PNPLA2: variants seen among roughly 807,000 people sequenced by gnomAD.
The protein encoded by PNPLA2 is patatin-like phospholipase domain-containing protein 2.
In PNPLA2, 28 loss-of-function variants were observed where a neutral mutation model predicts 39.7. That is an observed-to-expected ratio of 0.70 (90% CI 0.52 to 0.97). PNPLA2 has a LOEUF of 0.97. Ranked by LOEUF, PNPLA2 falls within the 50% of genes least tolerant of loss-of-function variation. PNPLA2 has a pLI of 0.00. For synonymous variants in PNPLA2, 392 were observed against 321.1 expected (o/e 1.22, Z -2.36); for missense variants, 768 against 698.2 (o/e 1.10, Z -1.13).
At chr11:823,651 G>T (rs747195600) in intron 6 of PNPLA2, 43 bp from the exon 7 acceptor site, 2 of 1,601,080 alleles carry the variant, frequency 1.2e-6, no homozygotes, top group Non-Finnish European at 1.7e-6. Flanking sequence ...GCGGGCCGCG[G>T]CCGCGCTGAT....
chr11:821,874 G>C lies in PNPLA2; in HGVS notation c.420+14G>C. ...GAGCTCATCCAGGTGGGGCCTGGTG[G>C]AGCCATGCTGGGTGGCGGTGGGGGG... is the stretch of plus-strand genomic sequence containing the variant. On this transcript the variant is annotated intron_variant, in intron 3 of 9. Transcript: ENST00000336615. The C allele has an allele frequency of 6.2e-7, 1 of 1,612,640 alleles. No individual in the cohort carries two copies. The highest frequency in any genetic ancestry group is 8.5e-7 in the Non-Finnish European group (1 of 1,178,860).
In PNPLA2 at chr11:824,672, A is replaced by T; in HGVS notation, c.1325A>T (p.Gln442Leu). 1 of 1,597,218 alleles carries T rather than the reference A, an allele frequency of 6.3e-7. No homozygotes were observed. Among genetic ancestry groups the T allele is most frequent in the Non-Finnish European group, 8.5e-7 (1 of 1,177,874 alleles). Residue 442 changes from glutamine (Q) to leucine (L), a missense_variant, in exon 10 of 10, where the codon CAG (glutamine) becomes CTG (leucine). By Grantham distance (113) the Gln-to-Leu change is moderately radical. Coordinates refer to ENST00000336615, the MANE Select transcript of PNPLA2 (RefSeq NM_020376.4). ...ALAKWEECQR[Q>L]LLLGLFCTNV... ...GCCAAGTGGGAGGAGTGCCAGCGCC[A>T]GCTGCTGCTCGGCCTCTTCTGCACC...
chr11:822,147 T>C (rs1345085173), intron 4 of PNPLA2, 124 bp downstream of exon 4: 20 of 915,716 alleles, frequency 2.2e-5, no homozygotes, highest in Admixed American at 1.7e-4. Flanking sequence ...CCACTTCCCC[T>C]GTGTTACTCA....
chr11:821,126 C>T, intron 2 of PNPLA2: 2 of 208,178 alleles, frequency 9.6e-6, no homozygotes, highest in South Asian at 6.9e-5. Flanking sequence ...CACTCCTGCG[C>T]CCCAAGAGGA....
At chr11:819,137 C>A (rs570229682) in intron 1 of PNPLA2, among the ~76,000 whole-genome samples, 179 bp downstream of exon 1, 2 of 152,328 alleles carry the variant, frequency 1.3e-5, no homozygotes, top group South Asian at 4.1e-4. Flanking sequence ...CCGGGGCTCC[C>A]GAGGCCTGTG....
At chr11:823,624 C>G in intron 6 of PNPLA2, 37 bp downstream of exon 6, 1 of 1,603,082 alleles carries the variant, frequency 6.2e-7, no homozygotes, top group South Asian at 1.1e-5. Flanking sequence ...GGGGTGGGCT[C>G]GGCTCTGCTA....
Position 824,041 on chromosome 11 carries a change from C to T in PNPLA2, c.963C>T (p.Thr321=), listed in dbSNP as rs1301669861. The change falls in exon 8 of 10, where the codon ACC becomes ACT. Residue 321 remains threonine (T), a synonymous_variant. Transcript: ENST00000336615. ...ACVEPTDLLT[T]LSNMLPVRLA... is the part of the protein sequence containing the mutation. ...TGGAGCCCACGGACCTGCTGACCAC[C>T]CTCTCCAACATGCTGCCTGTGCGTC... 1 of 1,610,904 alleles carries T rather than the reference C, an allele frequency of 6.2e-7. No individual in the cohort carries two copies. The highest frequency in any genetic ancestry group is 1.7e-4 in the Middle Eastern group (1 of 6,056).
Position 822,561 on chromosome 11 carries a change from C to T in PNPLA2, c.651C>T (p.Arg217=). The change falls in exon 5 of 10, where the codon CGC becomes CGT. Residue 217 remains arginine, a synonymous_variant. Coordinates refer to ENST00000336615, the MANE Select transcript of PNPLA2 (RefSeq NM_020376.4). ...VTNTSIQFNL[R]NLYRLSKALF... ...ACACCAGCATCCAGTTCAACCTGCG[C>T]AACCTCTACCGCCTCTCCAAGGCCC... is the stretch of plus-strand genomic sequence containing the variant. 1 of 1,614,030 alleles carries T rather than the reference C, an allele frequency of 6.2e-7. No individual in the cohort carries two copies. The highest frequency in any genetic ancestry group is 8.5e-7 in the Non-Finnish European group (1 of 1,180,034).
chr11:823,376 A>T, intron 5 of PNPLA2, 151 bp from the exon 6 acceptor site: 1 of 759,494 alleles, frequency 1.3e-6, no homozygotes, highest in Non-Finnish European at 2.3e-6. Flanking sequence ...ACCTCCCTGT[A>T]CAGCTTTGAT....
chr11:825,307 C>T lies in PNPLA2; in HGVS notation c.*445C>T. On this transcript the variant is annotated 3_prime_UTR_variant, in exon 10 of 10. Transcript: ENST00000336615. ...GTCTGGCCCTACCTTGGCTGACCAG[C>T]CTCTCCACAGCTGCAGGCCAGGTCT... 3.7e-6 allele frequency: 1 copy of T among 271,994 alleles called. No individual in the cohort carries two copies. Among genetic ancestry groups the T allele is most frequent in the South Asian group, 3.3e-5 (1 of 30,138 alleles). 16.8% of individuals were successfully genotyped at this position (271,994 alleles called of 1,614,324 possible).
rs1179446406 is a variant in PNPLA2, at chr11:824,727, C to T, written c.1380C>T (p.Arg460=). Residue 460 remains arginine (R), a synonymous_variant, in exon 10 of 10, where the codon CGC becomes CGT. Transcript: ENST00000336615. The stretch of plus-strand genomic sequence containing the variant: ...TGGCCTTCCCGCCCGAAGCTCTGCG[C>T]ATGCGCGCACCCGCCGACCCGGCTC... The part of the protein sequence containing the change: ...TNVAFPPEAL[R]MRAPADPAPA... 1.9e-6 allele frequency: 3 copies of T among 1,575,672 alleles called. No individual in the cohort carries two copies. The highest frequency in any genetic ancestry group is 2.6e-6 in the Non-Finnish European group (3 of 1,168,760).
rs201573098 is a variant in PNPLA2 at position 824,813 on chromosome 11, G to A, written c.1466G>A (p.Ser489Asn). Residue 489 changes from serine (S) to asparagine (N), a missense_variant, in exon 10 of 10, where the codon AGC becomes AAC. Coordinates refer to ENST00000336615, the MANE Select transcript of PNPLA2 (RefSeq NM_020376.4). ...CTGGCCGGGCCTGCCCCCTTGCTGAGCACCCCTGCTCCCGAGGCCCGGCCC... is the reference window on the plus strand; with the variant it reads ...CTGGCCGGGCCTGCCCCCTTGCTGAACACCCCTGCTCCCGAGGCCCGGCCC... ...HQLAGPAPLL[S>N]TPAPEARPVI... 1.4e-5 allele frequency: 22 copies of A among 1,534,384 alleles called. No individual in the cohort carries two copies. The highest frequency in any genetic ancestry group is 1.8e-5 in the Non-Finnish European group (21 of 1,146,104).
chr11:824,219 G>A, intron 8 of PNPLA2, 89 bp downstream of exon 8: 1 of 1,546,194 alleles, frequency 6.5e-7, no homozygotes, highest in South Asian at 1.2e-5. Context: ...GGTGGGGTGG[G>A]GTGAGCAGTG....
chr11:819,587 G>A lies in PNPLA2; in HGVS notation c.-132G>A. On this transcript the variant is annotated 5_prime_UTR_variant, in exon 2 of 10. Transcript: ENST00000336615. ...CCGCCCGCGTAGCTTCTTCGCCTCC[G>A]CCAGCGGGGACCCCGAGCTAGAGCC... 4.7e-6 allele frequency: 6 copies of A among 1,277,568 alleles called. No homozygotes were observed. The highest frequency in any genetic ancestry group is 2.1e-5 in the South Asian group (1 of 47,554). The allele number at this position is 1,277,568 out of a possible 1,614,324, so 79.1% of individuals were successfully genotyped here. A position where few individuals can be genotyped will look rare whatever the true frequency, so the allele number is the denominator to read the frequency against.
rs192197577 is a variant in PNPLA2 at position 825,196 on chromosome 11, A to G, written c.*334A>G. 1 of 440,038 alleles carries G rather than the reference A, an allele frequency of 2.3e-6. No individual in the cohort carries two copies. Among genetic ancestry groups the G allele is most frequent in the Non-Finnish European group, 4.1e-6 (1 of 240,974 alleles). 27.3% of individuals were successfully genotyped at this position (440,038 alleles called of 1,614,324 possible). ...GAATTATTTATTTTCGCCAAAGCAC[A>G]TGTAATAAATGCTGCAGCCCAGCCT... On this transcript the variant is annotated 3_prime_UTR_variant, in exon 10 of 10. Coordinates refer to ENST00000336615, the MANE Select transcript of PNPLA2 (RefSeq NM_020376.4).
Position 823,814 on chromosome 11 carries a change from A to G in PNPLA2, c.878A>G (p.Glu293Gly). 2 of 1,600,280 alleles carry G rather than the reference A, an allele frequency of 1.2e-6. No homozygotes were observed. Among genetic ancestry groups the G allele is most frequent in the Non-Finnish European group, 1.7e-6 (2 of 1,174,472 alleles). ...GAGGATTACTCGCAGCTGCCCGGAGAAGATCACATCCTGGAGCACCTGCCC... is the reference window on the plus strand; with the variant it reads ...GAGGATTACTCGCAGCTGCCCGGAGGAGATCACATCCTGGAGCACCTGCCC... The part of the protein sequence containing the change: ...QAEDYSQLPG[E>G]DHILEHLPAR... The change falls in exon 7 of 10, where the codon GAA (glutamate) becomes GGA (glycine). Residue 293 changes from glutamate to glycine, a missense_variant. Physicochemically the swap from Glu to Gly is moderately conservative, Grantham distance 98 (BLOSUM62 -2). Coordinates refer to ENST00000336615, the MANE Select transcript of PNPLA2 (RefSeq NM_020376.4).
chr11:819,483 C>G (rs1845596611), intron 1 of PNPLA2, 91 bp from the exon 2 acceptor site: 34 of 1,229,162 alleles, frequency 2.8e-5, no homozygotes, highest in Non-Finnish European at 3.5e-5. Context: ...CACGGCCGTT[C>G]CCTGCGCGCC....
At chr11:824,163 A>G (rs138979287) in intron 8 of PNPLA2, 33 bp downstream of exon 8, 1 of 1,576,266 alleles carries the variant, frequency 6.3e-7, no homozygotes, top group Non-Finnish European at 8.6e-7. Context: ...AGAGGGGCCC[A>G]GGGGACGGAC....
At position 825,194 on chromosome 11, in the gene PNPLA2, A is replaced by C; in HGVS notation, c.*332A>C. 1 of 449,052 alleles carries C rather than the reference A, an allele frequency of 2.2e-6. No individual in the cohort carries two copies. The highest frequency in any genetic ancestry group is 2.2e-5 in the South Asian group (1 of 45,706). 27.8% of individuals were successfully genotyped at this position (449,052 alleles called of 1,614,324 possible). On this transcript the variant is annotated 3_prime_UTR_variant, in exon 10 of 10. Coordinates refer to ENST00000336615, the MANE Select transcript of PNPLA2 (RefSeq NM_020376.4). ...AAGAATTATTTATTTTCGCCAAAGC[A>C]CATGTAATAAATGCTGCAGCCCAGC... is the stretch of plus-strand genomic sequence containing the variant.
Sources: gnomAD v4.1 joint callset for allele counts (sites outside exome capture counted in the v4.1 genomes callset) on GRCh38, gnomAD v4.1.1 for gene constraint, MANE v1.5 for transcripts, NCBI Gene and HGNC (gene_info 2026-07-23, HGNC 2026-07-21) for gene names.